Variants in ATRNL1 observed in about 807,000 individuals in gnomAD.
The protein encoded by ATRNL1 is attractin like 1.
In ATRNL1, 95 loss-of-function variants were observed where a neutral mutation model predicts 182.7. The observed-to-expected ratio is 0.52, with a 90% CI of 0.44 to 0.62. The LOEUF (loss-of-function observed/expected upper bound fraction) is 0.62. Ranked by LOEUF, ATRNL1 falls within the 20% of genes least tolerant of loss-of-function variation. The pLI is 0.00. For synonymous variants in ATRNL1, 576 were observed against 568.3 expected (o/e 1.01, Z -0.19); for missense variants, 1,471 against 1,679.5 (o/e 0.88, Z 2.17).
chr10:115,131,837 T>G (rs1311744990), intron 5 of ATRNL1, among the ~76,000 whole-genome samples: 1 of 152,230 alleles, frequency 6.6e-6, no homozygotes, highest in Non-Finnish European at 1.5e-5. Context: ...TGTATATTTT[T>G]TAAAAATGAG....
chr10:115,466,347 TGTAGAGAA>T (rs1848051768), intron 22 of ATRNL1, among the ~76,000 whole-genome samples: 1 of 151,406 alleles, frequency 6.6e-6, no homozygotes, highest in African/African-American at 2.4e-5. Flanking sequence ...TACAAGTCTT[TGTAGAGAA>T]TATTTAAAAT....
intron 19 of ATRNL1, among the ~76,000 whole-genome samples, chr10:115,374,445 T>TTC (rs782314730): frequency 2.0e-4 from 26 of 130,648 alleles, no homozygotes; most frequent in Non-Finnish European, 4.0e-4. Flanking sequence ...CTCCTTCTCC[T>TTC]TCCTTCCTTT....
intron 28 of ATRNL1, among the ~76,000 whole-genome samples, chr10:115,887,992 G>T (rs908012578): frequency 1.3e-5 from 2 of 152,020 alleles, no homozygotes; most frequent in African/African-American, 4.8e-5. Flanking sequence ...AGGCATATTG[G>T]AACTTATCAC....
At chr10:115,534,977 G>A (rs868976387) in intron 25 of ATRNL1, among the ~76,000 whole-genome samples, 21 of 152,148 alleles carry the variant, frequency 1.4e-4, no homozygotes, top group South Asian at 2.1e-4. Flanking sequence ...TGAGAGATCC[G>A]CTGTTAGTCT....
intron 27 of ATRNL1, among the ~76,000 whole-genome samples, chr10:115,728,342 T>C (rs1555061317): frequency 2.1e-5 from 3 of 146,144 alleles, no homozygotes; most frequent in Non-Finnish European, 3.0e-5. Flanking sequence ...AATTCACAAA[T>C]TATGATTAAT....
At chr10:115,210,588 A>G (rs1554894763) in intron 8 of ATRNL1, among the ~76,000 whole-genome samples, 3 of 151,914 alleles carry the variant, frequency 2.0e-5, no homozygotes, top group Admixed American at 1.3e-4. Context: ...TAATTTTGAT[A>G]TATTAGTGAC....
intron 26 of ATRNL1, among the ~76,000 whole-genome samples, chr10:115,646,908 A>G (rs1211718236): frequency 2.7e-5 from 4 of 149,676 alleles, no homozygotes; most frequent in Non-Finnish European, 5.9e-5. Flanking sequence ...CTCGTCATTT[A>G]CATTAGGTAT....
intron 24 of ATRNL1, among the ~76,000 whole-genome samples, chr10:115,500,207 C>G (rs1476103417): frequency 1.3e-5 from 2 of 152,144 alleles, no homozygotes; most frequent in Non-Finnish European, 2.9e-5. Context: ...GTTACATTTT[C>G]TGAAGTTTAA....
intron 28 of ATRNL1, among the ~76,000 whole-genome samples, chr10:115,897,434 T>A (rs537309757): frequency 6.6e-6 from 1 of 152,334 alleles, no homozygotes; most frequent in South Asian, 2.1e-4. Flanking sequence ...GGTATTGATT[T>A]CAGCTTTTTC....
chr10:115,109,970 CTTG>C (rs1406099319), intron 1 of ATRNL1, among the ~76,000 whole-genome samples: 1 of 152,054 alleles, frequency 6.6e-6, no homozygotes, highest in African/African-American at 2.4e-5. Context: ...GTATCTGTGA[CTTG>C]TTAAAAAATA....
chr10:115,496,818 A>G (rs1849573555), intron 24 of ATRNL1, among the ~76,000 whole-genome samples: 1 of 152,072 alleles, frequency 6.6e-6, no homozygotes, highest in African/African-American at 2.4e-5. Flanking sequence ...CTCTAGCTCC[A>G]TTTAACATTT....
chr10:115,302,171 T>G, intron 17 of ATRNL1, 128 bp downstream of exon 17: 1 of 834,794 alleles, frequency 1.2e-6, no homozygotes, highest in Non-Finnish European at 1.8e-6. Flanking sequence ...CGGCTACTTT[T>G]GAAACCAACT....
At chr10:115,434,905 T>C (rs1401565140) in intron 21 of ATRNL1, among the ~76,000 whole-genome samples, 1 of 152,102 alleles carries the variant, frequency 6.6e-6, no homozygotes, top group Non-Finnish European at 1.5e-5. Flanking sequence ...AATGAACAAG[T>C]TGGAGTATAA....
chr10:115,728,257 T>A (rs1273996060), intron 27 of ATRNL1, among the ~76,000 whole-genome samples: 1 of 124,800 alleles, frequency 8.0e-6, no homozygotes, highest in Non-Finnish European at 1.6e-5. Flanking sequence ...ATCCTGCCAC[T>A]GCACTCCAGC....
chr10:115,219,829 G>A (rs1554897027), intron 9 of ATRNL1, among the ~76,000 whole-genome samples: 2 of 152,066 alleles, frequency 1.3e-5, no homozygotes, highest in African/African-American at 4.8e-5. Context: ...CTTGAACCTG[G>A]GAAGTGGAGG....
intron 24 of ATRNL1, among the ~76,000 whole-genome samples, chr10:115,478,422 CTCT>C (rs1404425430): frequency 1.3e-5 from 2 of 151,730 alleles, no homozygotes; most frequent in Non-Finnish European, 2.9e-5. Flanking sequence ...TAGCCAGGGG[CTCT>C]TCTTAGCCTC....
chr10:115,311,528 C>T (rs1178078737), intron 17 of ATRNL1, among the ~76,000 whole-genome samples: 2 of 151,002 alleles, frequency 1.3e-5, no homozygotes, highest in East Asian at 3.9e-4. Context: ...GTTTTGTGGC[C>T]TGTCATATGG....
At chr10:115,213,945 C>T (rs1849125350) in intron 8 of ATRNL1, among the ~76,000 whole-genome samples, 1 of 151,456 alleles carries the variant, frequency 6.6e-6, no homozygotes, top group Non-Finnish European at 1.5e-5. Context: ...TGAAATTTAG[C>T]TCTTAAAAAA....
chr10:115,263,479 G>A (rs1851476241), intron 10 of ATRNL1, among the ~76,000 whole-genome samples: 2 of 151,722 alleles, frequency 1.3e-5, no homozygotes, highest in Non-Finnish European at 3.0e-5. Flanking sequence ...ATTACTATAT[G>A]ATCTGTTAAT....
Sources: gnomAD v4.1 joint callset for allele counts (sites outside exome capture counted in the v4.1 genomes callset) on GRCh38, gnomAD v4.1.1 for gene constraint, MANE v1.5 for transcripts, NCBI Gene and HGNC (gene_info 2026-07-23, HGNC 2026-07-21) for gene names.